The following CORO1B variants were observed in gnomAD, a reference collection of about 807,000 sequenced individuals.
CORO1B encodes the protein coronin-1B.
In CORO1B, 30 loss-of-function variants were observed where a neutral mutation model predicts 51.1. That is an observed-to-expected ratio of 0.59 (90% CI 0.44 to 0.80). The LOEUF is 0.80. Among genes scored for constraint, CORO1B ranks in the 30% least tolerant of loss-of-function variants. CORO1B has a pLI of 0.00. For synonymous variants in CORO1B, 310 were observed against 289.7 expected (o/e 1.07, Z -0.71); for missense variants, 648 against 700.4 (o/e 0.93, Z 0.84).
rs1176123611 is a variant in CORO1B, at chr11:67,436,312, G to A, written c.*2064C>T. The A allele has an allele frequency of 5.3e-6, 8 of 1,518,650 alleles. No individual in the cohort carries two copies. In the East Asian group the frequency reaches 1.7e-4, roughly 32 times the overall value. 94.1% of individuals were successfully genotyped at this position (1,518,650 alleles called of 1,614,324 possible). ...CACCCGAGCCCAAGGCCCCTGGCAG[G>A]GCCAGCAGCATCCCGAGCCCTAAGG... On this transcript the variant is annotated 3_prime_UTR_variant, in exon 11 of 11. Coordinates refer to ENST00000341356, the MANE Select transcript of CORO1B (RefSeq NM_020441.3).
intron 6 of CORO1B, 108 bp from the exon 7 acceptor site, chr11:67,440,547 A>C: frequency 7.1e-6 from 7 of 981,510 alleles, no homozygotes; most frequent in Non-Finnish European, 1.1e-5. Flanking sequence ...CTGCCCCTAA[A>C]TGCAGGTGGG....
rs543124999 is a variant in CORO1B at position 67,437,675 on chromosome 11, C to T, written c.*701G>A. 6.8e-5 allele frequency: 92 copies of T among 1,348,650 alleles called. No homozygotes were observed. Among genetic ancestry groups the T allele is most frequent in the East Asian group, 2.8e-4 (10 of 36,000 alleles). 83.5% of individuals were successfully genotyped at this position (1,348,650 alleles called of 1,614,324 possible). ...CACCTCCAGCTCTGGCTGTGTCGAGCGAGAAGTGAGCTCAGTGCTCGTCTG... is the reference window on the plus strand; with the variant it reads ...CACCTCCAGCTCTGGCTGTGTCGAGTGAGAAGTGAGCTCAGTGCTCGTCTG... On this transcript the variant is annotated 3_prime_UTR_variant, in exon 11 of 11. Transcript: ENST00000341356.
In CORO1B at chr11:67,436,144, T is replaced by C. The variant is rs1301333767; in HGVS notation, c.*2232A>G. The C allele has an allele frequency of 1.3e-6, 2 of 1,574,982 alleles. No individual in the cohort carries two copies. The highest frequency in any genetic ancestry group is 1.7e-6 in the Non-Finnish European group (2 of 1,160,198). On this transcript the variant is annotated 3_prime_UTR_variant, in exon 11 of 11. Coordinates refer to ENST00000341356, the MANE Select transcript of CORO1B (RefSeq NM_020441.3). ...GCGTGCGGCCCCACAGCGCGGCACC[T>C]AGGCGGGCCGGGTGGTAGTAGCCCC...
upstream of CORO1B, chr11:67,443,774 C>T (rs934947365): frequency 2.0e-4 from 198 of 985,190 alleles, no homozygotes; most frequent in Admixed American, 1.8e-3. Flanking sequence ...GGCCCCTTCG[C>T]GTTCTTGCTC....
At position 67,436,464 on chromosome 11, in the gene CORO1B, G is replaced by C; in HGVS notation, c.*1912C>G. On this transcript the variant is annotated 3_prime_UTR_variant, in exon 11 of 11. Transcript: ENST00000341356. ...TTTTTTCTCTTTGGGATCCTCTTGG[G>C]ACAGCCAAGCAGAAAAGGCCAAGGC... The C allele has an allele frequency of 1.6e-6, 2 of 1,253,276 alleles. No individual in the cohort carries two copies. The highest frequency in any genetic ancestry group is 3.4e-5 in the South Asian group (2 of 59,548). 77.6% of individuals were successfully genotyped at this position (1,253,276 alleles called of 1,614,324 possible).
rs1365788880 is a variant in CORO1B, at chr11:67,435,567, C to G, written c.*2809G>C. The G allele has an allele frequency of 8.6e-6, 9 of 1,047,084 alleles. No individual in the cohort carries two copies. Among genetic ancestry groups the G allele is most frequent in the African/African-American group, 6.5e-5 (4 of 61,818 alleles). 64.9% of individuals were successfully genotyped at this position (1,047,084 alleles called of 1,614,324 possible). A position where few individuals can be genotyped will look rare whatever the true frequency, so the allele number is the denominator to read the frequency against. On this transcript the variant is annotated 3_prime_UTR_variant, in exon 11 of 11. Coordinates refer to ENST00000341356, the MANE Select transcript of CORO1B (RefSeq NM_020441.3). The stretch of plus-strand genomic sequence containing the variant: ...GCCTGATGCCTGTGGTTGGGGGGGG[C>G]CGTTCCCGTGGTGAGCGGGGTACAC...
chr11:67,435,558 TGGG>T lies in CORO1B; in HGVS notation c.*2815_*2817del, dbSNP rs141116917. 2.1e-6 allele frequency: 2 copies of T among 932,510 alleles called. No individual in the cohort carries two copies. Among genetic ancestry groups the T allele is most frequent in the African/African-American group, 3.4e-5 (2 of 59,300 alleles). 57.8% of individuals were successfully genotyped at this position (932,510 alleles called of 1,614,324 possible). A position where few individuals can be genotyped will look rare whatever the true frequency, so the allele number is the denominator to read the frequency against. On this transcript the variant is annotated 3_prime_UTR_variant, in exon 11 of 11. Coordinates refer to ENST00000341356, the MANE Select transcript of CORO1B (RefSeq NM_020441.3). ...CAAATGGTTGCCTGATGCCTGTGGTTGGGGGGGGCCGTTCCCGTGGTGAGCGGG... is the reference window on the plus strand; with the variant it reads ...CAAATGGTTGCCTGATGCCTGTGGTTGGGGGCCGTTCCCGTGGTGAGCGGG...
chr11:67,435,880 G>A lies in CORO1B; in HGVS notation c.*2496C>T. The A allele has an allele frequency of 6.2e-7, 1 of 1,611,588 alleles. No individual in the cohort carries two copies. The highest frequency in any genetic ancestry group is 8.5e-7 in the Non-Finnish European group (1 of 1,179,542). ...CTGGTCCTGGGGAGCCGAGGACCAG[G>A]TCGCCCTCCGTGTCACTGTCTCTGG... On this transcript the variant is annotated 3_prime_UTR_variant, in exon 11 of 11. Coordinates refer to ENST00000341356, the MANE Select transcript of CORO1B (RefSeq NM_020441.3).
In CORO1B at chr11:67,435,786, C is replaced by G; in HGVS notation, c.*2590G>C. 1 of 1,584,364 alleles carries G rather than the reference C, an allele frequency of 6.3e-7. No homozygotes were observed. The highest frequency in any genetic ancestry group is 8.6e-7 in the Non-Finnish European group (1 of 1,165,466). ...CCCCCAGCTGCCCTGGCGCTGTCATCCCAGGCTGCGCTGCCAGCAAAGGCG... is the reference window on the plus strand; with the variant it reads ...CCCCCAGCTGCCCTGGCGCTGTCATGCCAGGCTGCGCTGCCAGCAAAGGCG... On this transcript the variant is annotated 3_prime_UTR_variant, in exon 11 of 11. Coordinates refer to ENST00000341356, the MANE Select transcript of CORO1B (RefSeq NM_020441.3).
Position 67,442,085 on chromosome 11 carries a change from C to T in CORO1B, c.205G>A (p.Gly69Ser), listed in dbSNP as rs1382676626. ...GTCGGGTAGGCCTTGTCAATGCGGC[C>T]CGTCTGTGGGCACGAGGGGGCAGTC... is the stretch of plus-strand genomic sequence containing the variant. ...AFLVLPLSKT[G>S]RIDKAYPTVC... Residue 69 changes from glycine to serine, a missense_variant, in exon 3 of 11, where the codon GGC becomes AGC. Physicochemically the swap from Gly to Ser is moderately conservative, Grantham distance 56 (BLOSUM62 0). Coordinates refer to ENST00000341356, the MANE Select transcript of CORO1B (RefSeq NM_020441.3). 6.2e-7 allele frequency: 1 copy of T among 1,610,206 alleles called. No individual in the cohort carries two copies.
In CORO1B at chr11:67,436,460, T is replaced by C. The variant is rs1864282971; in HGVS notation, c.*1916A>G. The stretch of plus-strand genomic sequence containing the variant: ...TCGTTTTTTTCTCTTTGGGATCCTC[T>C]TGGGACAGCCAAGCAGAAAAGGCCA... On this transcript the variant is annotated 3_prime_UTR_variant, in exon 11 of 11. Transcript: ENST00000341356. 7.9e-7 allele frequency: 1 copy of C among 1,270,326 alleles called. No homozygotes were observed. 78.7% of individuals were successfully genotyped at this position (1,270,326 alleles called of 1,614,324 possible).
At chr11:67,443,508 C>T (rs1864437891), upstream of CORO1B, 1 of 962,750 alleles carries the variant, frequency 1.0e-6, no homozygotes, top group Non-Finnish European at 1.2e-6. Flanking sequence ...CAGAGGGACC[C>T]GGAGCGGGGG....
At chr11:67,438,544 C>A in intron 10 of CORO1B, 43 bp from the exon 11 acceptor site, 1 of 1,578,924 alleles carries the variant, frequency 6.3e-7, no homozygotes. Flanking sequence ...TGGTCAGGGG[C>A]TGCTAAGCCA....
Position 67,436,402 on chromosome 11 carries a change from G to C in CORO1B, c.*1974C>G. 1 of 1,423,848 alleles carries C rather than the reference G, an allele frequency of 7.0e-7. No individual in the cohort carries two copies. Among genetic ancestry groups the C allele is most frequent in the Non-Finnish European group, 9.1e-7 (1 of 1,093,158 alleles). 88.2% of individuals were successfully genotyped at this position (1,423,848 alleles called of 1,614,324 possible). On this transcript the variant is annotated 3_prime_UTR_variant, in exon 11 of 11. Coordinates refer to ENST00000341356, the MANE Select transcript of CORO1B (RefSeq NM_020441.3). ...GGGCTCAGCACCTGGGGTGGGGCCT[G>C]GTGTGGGGCAGGCTGGGTGACCAAG...
In CORO1B at chr11:67,436,007, T is replaced by G. The variant is rs761088116; in HGVS notation, c.*2369A>C. The G allele has an allele frequency of 6.2e-7, 1 of 1,613,728 alleles. No individual in the cohort carries two copies. The highest frequency in any genetic ancestry group is 8.5e-7 in the Non-Finnish European group (1 of 1,179,892). ...CTGCAGGCCACCATCCGCGACGTGG[T>G]CATAGTCTGTGTCCTGCTCATCCTC... On this transcript the variant is annotated 3_prime_UTR_variant, in exon 11 of 11. Coordinates refer to ENST00000341356, the MANE Select transcript of CORO1B (RefSeq NM_020441.3).
Position 67,437,404 on chromosome 11 carries a change from C to T in CORO1B, c.*972G>A, listed in dbSNP as rs1017445279. ...GCCTTCCCAGGGCTCCTGACAGGGGCCTGGTCCGGTATGGGGTGCTGGGGG... is the reference window on the plus strand; with the variant it reads ...GCCTTCCCAGGGCTCCTGACAGGGGTCTGGTCCGGTATGGGGTGCTGGGGG... On this transcript the variant is annotated 3_prime_UTR_variant, in exon 11 of 11. Transcript: ENST00000341356. 24 of 453,060 alleles carry T rather than the reference C, an allele frequency of 5.3e-5. No individual in the cohort carries two copies. The highest frequency in any genetic ancestry group is 7.6e-5 in the Non-Finnish European group (20 of 264,488). The allele number at this position is 453,060 out of a possible 1,614,324, so 28.1% of individuals were successfully genotyped here.
At chr11:67,438,578 C>T (rs1864334708) in intron 10 of CORO1B, 77 bp from the exon 11 acceptor site, 1 of 1,554,226 alleles carries the variant, frequency 6.4e-7, no homozygotes, top group South Asian at 1.2e-5. Context: ...CCCACCACTA[C>T]CCCAGAGAGG....
In CORO1B at chr11:67,439,754, GGCCAAGTGAGCC is replaced by G. The variant is rs1345092579; in HGVS notation, c.1065+20_1065+31del. ...TGCATGGCCCGCTTGCTGGAGAAAG[GGCCAAGTGAGCC>G]GAGGGACGGGCGGCCTCACCTTTCT... On this transcript the variant is annotated intron_variant, in intron 9 of 10. Coordinates refer to ENST00000341356, the MANE Select transcript of CORO1B (RefSeq NM_020441.3). 1 of 1,565,768 alleles carries G rather than the reference GGCCAAGTGAGCC, an allele frequency of 6.4e-7. No homozygotes were observed. Among genetic ancestry groups the G allele is most frequent in the African/African-American group, 1.3e-5 (1 of 74,162 alleles).
In CORO1B at chr11:67,437,210, G is replaced by A. The variant is rs546965444; in HGVS notation, c.*1166C>T. On this transcript the variant is annotated 3_prime_UTR_variant, in exon 11 of 11. Transcript: ENST00000341356. ...GCGTGCAGGGCCGGGGGCTGGGGGG[G>A]GCTGGGGGAGGCGGGCGCAGCTGCC... 23 of 173,814 alleles carry A rather than the reference G, an allele frequency of 1.3e-4. 1 individual carries two copies. The highest frequency in any genetic ancestry group is 8.8e-4 in the Admixed American group (14 of 15,910). The allele number at this position is 173,814 out of a possible 1,614,324, so 10.8% of individuals were successfully genotyped here.
Sources: allele counts gnomAD v4.1 joint callset, GRCh38; gene constraint gnomAD v4.1.1; transcripts MANE v1.5; gene names NCBI Gene and HGNC (gene_info 2026-07-23, HGNC 2026-07-21).